SMCHD1: variants seen among roughly 807,000 people sequenced by gnomAD.
The protein encoded by SMCHD1 is structural maintenance of chromosomes flexible hinge domain containing 1.
In SMCHD1, 78 loss-of-function variants were observed where a neutral mutation model predicts 254.7. That is an observed-to-expected ratio of 0.31 (90% CI 0.26 to 0.37). The LOEUF is 0.37. Among genes scored for constraint, SMCHD1 ranks in the 10% least tolerant of loss-of-function variants. The pLI is 1.00. For synonymous variants in SMCHD1, 766 were observed against 794.9 expected (o/e 0.96, Z 0.61); for missense variants, 1,840 against 2,408.1 (o/e 0.76, Z 4.94).
chr18:2,672,723 G>A (rs956891675), intron 3 of SMCHD1, among the ~76,000 whole-genome samples: 1 of 152,208 alleles, frequency 6.6e-6, no homozygotes, highest in South Asian at 2.1e-4. Flanking sequence ...TGGTGGTGTG[G>A]TAGTGAATCT....
chr18:2,759,509 A>G (rs1398454669), intron 34 of SMCHD1, among the ~76,000 whole-genome samples: 1 of 10,852 alleles, frequency 9.2e-5, no homozygotes, highest in Non-Finnish European at 2.3e-4. Context: ...TTTTTTGTAC[A>G]GCTGTTTTCA....
chr18:2,698,853 A>ATTT (rs5822719), intron 10 of SMCHD1, among the ~76,000 whole-genome samples: 1 of 150,194 alleles, frequency 6.7e-6, no homozygotes, highest in South Asian at 2.1e-4. Context: ...GTACTATTTT[A>ATTT]TTTTTTTTTA....
intron 35 of SMCHD1, among the ~76,000 whole-genome samples, chr18:2,761,655 A>G (rs1439874064): frequency 1.3e-5 from 2 of 152,070 alleles, no homozygotes; most frequent in Admixed American, 1.3e-4. Context: ...CTCCTCTACT[A>G]AAAATACAAA....
In SMCHD1 at chr18:2,789,206, A is replaced by AT. The variant is rs11356663; in HGVS notation, c.5719+4600dup. Among the ~76,000 whole-genome samples the AT allele has an allele frequency of 6.0e-3, 859 of 143,930 alleles. 6 individuals are homozygous for AT. Among genetic ancestry groups the AT allele is most frequent in the African/African-American group, 0.02 (788 of 39,504 alleles). The allele number at this position is 143,930 out of a possible 152,430, so 94.4% of individuals were successfully genotyped here. Reference sequence around the variant, plus strand: ...TGGCTAATTTTTTTGTATTATTATTATTTTTTTTTTTTTTTGGTAGACATG... The same window carrying AT: ...TGGCTAATTTTTTTGTATTATTATTATTTTTTTTTTTTTTTTGGTAGACATG... On this transcript the variant is annotated intron_variant, in intron 45 of 47. Coordinates refer to ENST00000320876, the MANE Select transcript of SMCHD1 (RefSeq NM_015295.3).
At chr18:2,755,203 C>T (rs1453301290) in intron 34 of SMCHD1, among the ~76,000 whole-genome samples, 1 of 152,086 alleles carries the variant, frequency 6.6e-6, no homozygotes, top group Non-Finnish European at 1.5e-5. Context: ...TACAGACCCA[C>T]AGCACTACGC....
chr18:2,801,781 A>T (rs1207720816), intron 47 of SMCHD1, among the ~76,000 whole-genome samples: 1 of 152,192 alleles, frequency 6.6e-6, no homozygotes, highest in Non-Finnish European at 1.5e-5. Context: ...ATTTTATGAA[A>T]CATTAAAGAA....
rs181096479 is a variant in SMCHD1, at chr18:2,718,700, C to A, written c.2458+266C>A. 1.3e-5 allele frequency among the ~76,000 whole-genome samples: 2 copies of A among 151,862 alleles called. No homozygotes were observed. Among genetic ancestry groups the A allele is most frequent in the Non-Finnish European group, 2.9e-5 (2 of 67,974 alleles). On this transcript the variant is annotated intron_variant, in intron 19 of 47. Transcript: ENST00000320876. The surrounding 1 kb of genome is among the most constrained non-coding windows in gnomAD (Gnocchi z 4.6). ...CCTCCCGAGTAGCTGGGATTACAGG[C>A]GCCCGCCACCACACCTGGCTTTTTG...
intron 5 of SMCHD1, among the ~76,000 whole-genome samples, chr18:2,686,327 T>A (rs1204598730): frequency 6.6e-6 from 1 of 152,210 alleles, no homozygotes; most frequent in Non-Finnish European, 1.5e-5. Flanking sequence ...AGACTTGGGA[T>A]GCTCAGGTGG....
intron 44 of SMCHD1, among the ~76,000 whole-genome samples, 162 bp downstream of exon 44, chr18:2,778,401 C>G (rs1275504561): frequency 6.6e-6 from 1 of 151,966 alleles, no homozygotes; most frequent in Non-Finnish European, 1.5e-5. Flanking sequence ...ATGAATGGAC[C>G]AGGATGCAAA....
chr18:2,755,639 C>G (rs867215393), intron 34 of SMCHD1, among the ~76,000 whole-genome samples: 2 of 135,520 alleles, frequency 1.5e-5, no homozygotes, highest in African/African-American at 5.7e-5. Flanking sequence ...ATGATCTTGG[C>G]TCACTGCAAG....
intron 5 of SMCHD1, among the ~76,000 whole-genome samples, chr18:2,684,624 A>G (rs886204188): frequency 2.0e-5 from 3 of 150,008 alleles, no homozygotes; most frequent in African/African-American, 7.3e-5. Flanking sequence ...TAAGTTTACC[A>G]TCTTTGTTAA....
intron 37 of SMCHD1, among the ~76,000 whole-genome samples, chr18:2,769,216 C>G (rs918848191): frequency 6.6e-6 from 1 of 152,094 alleles, no homozygotes; most frequent in Non-Finnish European, 1.5e-5. Context: ...TTCAAAATCT[C>G]TTGTTCTGTC....
At chr18:2,724,049 T>C (rs1163417230) in intron 20 of SMCHD1, among the ~76,000 whole-genome samples, 2 of 151,074 alleles carry the variant, frequency 1.3e-5, no homozygotes, top group Admixed American at 6.6e-5. Flanking sequence ...TACATCCCTT[T>C]ACTGTCATAT....
Position 2,805,010 on chromosome 18 carries a change from G to C in SMCHD1, c.*2458G>C, listed in dbSNP as rs746195952. ...AATAAAACTCTCTCCAAGCCTTTTTGCACATTACGTTCATCAGTTTTCATG... is the reference window on the plus strand; with the variant it reads ...AATAAAACTCTCTCCAAGCCTTTTTCCACATTACGTTCATCAGTTTTCATG... On this transcript the variant is annotated 3_prime_UTR_variant, in exon 48 of 48. Coordinates refer to ENST00000320876, the MANE Select transcript of SMCHD1 (RefSeq NM_015295.3). The C allele has an allele frequency of 5.9e-5, 9 of 152,016 alleles. No individual in the cohort carries two copies. The highest frequency in any genetic ancestry group is 1.2e-4 in the Non-Finnish European group (8 of 68,002). The allele number at this position is 152,016 out of a possible 1,614,324, so 9.4% of individuals were successfully genotyped here.
intron 30 of SMCHD1, among the ~76,000 whole-genome samples, chr18:2,749,458 G>C (rs1426981349): frequency 6.6e-6 from 1 of 152,148 alleles, no homozygotes; most frequent in Non-Finnish European, 1.5e-5. Flanking sequence ...AGTTTCTGGA[G>C]AACCATCTGT....
At chr18:2,766,084 C>T (rs374476316) in intron 37 of SMCHD1, among the ~76,000 whole-genome samples, 5 of 152,062 alleles carry the variant, frequency 3.3e-5, no homozygotes, top group Non-Finnish European at 7.4e-5. Context: ...AGCTCTGCCT[C>T]CCGGGTTCAC....
Position 2,700,535 on chromosome 18 carries a change from C to A in SMCHD1, c.1343-4C>A. 6.3e-7 allele frequency: 1 copy of A among 1,599,702 alleles called. No individual in the cohort carries two copies. Among genetic ancestry groups the A allele is most frequent in the South Asian group, 1.1e-5 (1 of 87,916 alleles). On this transcript the variant is annotated splice_region_variant and splice_polypyrimidine_tract_variant and intron_variant, in intron 10 of 47. Transcript: ENST00000320876. ...ATTTTGTTCCATTTGCCCTTTTGAT[C>A]TAGAATTAAAAGATGAAGATGATGA...
intron 17 of SMCHD1, among the ~76,000 whole-genome samples, chr18:2,708,900 AT>A (rs1568198692): frequency 0.079 from 5,850 of 73,904 alleles, 1,073 homozygotes; most frequent in Non-Finnish European, 0.11. Flanking sequence ...ATATATATAT[AT>A]ATATATAACA....
At position 2,775,724 on chromosome 18, in the gene SMCHD1, T is replaced by C. The variant is rs373039805; in HGVS notation, c.5176-10T>C. On this transcript the variant is annotated splice_polypyrimidine_tract_variant and intron_variant, in intron 41 of 47. Coordinates refer to ENST00000320876, the MANE Select transcript of SMCHD1 (RefSeq NM_015295.3). The stretch of plus-strand genomic sequence containing the variant: ...TTTATATTTTTTTACTTTATGAAAA[T>C]GGGTTATAGATTGCACATCTAGCAC... 8 of 1,581,372 alleles carry C rather than the reference T, an allele frequency of 5.1e-6. No individual in the cohort carries two copies. In the African/African-American group the frequency reaches 9.6e-5, roughly 19 times the overall value.
Sources: gnomAD v4.1 joint callset for allele counts (sites outside exome capture counted in the v4.1 genomes callset) on GRCh38, gnomAD v4.1.1 for gene constraint, Gnocchi (gnomAD v3.1) non-coding constraint, MANE v1.5 for transcripts, NCBI Gene and HGNC (gene_info 2026-07-23, HGNC 2026-07-21) for gene names.